Variants in PTGR3 observed in about 807,000 individuals in gnomAD.
The protein encoded by PTGR3 is prostaglandin reductase 3.
the PTGR3 span, among the ~76,000 whole-genome samples, chr18:75,202,665 C>CA: frequency 0.15 from 11,959 of 78,962 alleles, 592 homozygotes; most frequent in Admixed American, 0.19. Context: ...TAGAAATAAG[C>CA]AAAAAAAAAA....
the PTGR3 span, chr18:75,196,453 C>G: frequency 6.6e-6 from 1 of 151,530 alleles, no homozygotes; most frequent in Admixed American, 6.6e-5. Flanking sequence ...CATAGTAGAA[C>G]CTCATCTCTA....
the PTGR3 span, chr18:75,201,736 T>C: frequency 8.7e-6 from 14 of 1,614,120 alleles, no homozygotes; most frequent in Middle Eastern, 1.6e-4. Flanking sequence ...TAGCCAGAGA[T>C]AAACCCTATT....
the PTGR3 span, chr18:75,195,762 A>C: frequency 6.6e-6 from 1 of 152,156 alleles, no homozygotes; most frequent in African/African-American, 2.4e-5. Flanking sequence ...AAATAAAAAA[A>C]CATTAGCCAG....
At chr18:75,198,340 TAAG>T in the PTGR3 span, 1 of 152,226 alleles carries the variant, frequency 6.6e-6, no homozygotes, top group African/African-American at 2.4e-5. Flanking sequence ...TTCATTTTAA[TAAG>T]AAGCAGCTAC....
the PTGR3 span, chr18:75,202,026 T>G: frequency 6.2e-7 from 1 of 1,614,116 alleles, no homozygotes; most frequent in Admixed American, 1.7e-5. Context: ...CACCAAAACT[T>G]TTTTCCCTTC....
the PTGR3 span, among the ~76,000 whole-genome samples, chr18:75,206,679 G>A: frequency 6.6e-6 from 1 of 152,140 alleles, no homozygotes; most frequent in Non-Finnish European, 1.5e-5. Flanking sequence ...CAACTCAAAA[G>A]AAAACTGTCC....
the PTGR3 span, chr18:75,205,413 G>A: frequency 1.0e-6 from 1 of 985,252 alleles, no homozygotes; most frequent in East Asian, 1.1e-4. Flanking sequence ...CATGCAGTGA[G>A]CGCAGGATTC....
chr18:75,201,390 C>A, the PTGR3 span: 8 of 1,574,026 alleles, frequency 5.1e-6, no homozygotes, highest in Non-Finnish European at 6.9e-6. Flanking sequence ...TTTCTTTCTC[C>A]CTTGATTTAT....
At chr18:75,200,798 G>C in the PTGR3 span, 1 of 152,114 alleles carries the variant, frequency 6.6e-6, no homozygotes, top group South Asian at 2.1e-4. Context: ...GTAGATAAAA[G>C]CCATTACGTG....
the PTGR3 span, among the ~76,000 whole-genome samples, chr18:75,205,907 C>A: frequency 6.6e-6 from 1 of 152,180 alleles, no homozygotes; most frequent in South Asian, 2.1e-4. Context: ...CCCCATCCCC[C>A]ACCGTCCCTT....
the PTGR3 span, among the ~76,000 whole-genome samples, chr18:75,206,172 T>A: frequency 6.6e-6 from 1 of 152,198 alleles, no homozygotes; most frequent in Non-Finnish European, 1.5e-5. Context: ...CAATTATACA[T>A]TCTATAGGGA....
chr18:75,202,624 C>T, the PTGR3 span, among the ~76,000 whole-genome samples: 1 of 146,204 alleles, frequency 6.8e-6, no homozygotes, highest in South Asian at 2.1e-4. Context: ...TTCACATTTT[C>T]ACATGCCATT....
At chr18:75,203,845 G>A in the PTGR3 span, among the ~76,000 whole-genome samples, 1 of 152,102 alleles carries the variant, frequency 6.6e-6, no homozygotes, top group Non-Finnish European at 1.5e-5. Context: ...TTTTAAAAAG[G>A]GCCCACTTCC....
chr18:75,199,191 A>G, the PTGR3 span: 4 of 152,610 alleles, frequency 2.6e-5, no homozygotes, highest in Non-Finnish European at 4.4e-5. Flanking sequence ...TGCATTTAGT[A>G]TATTCCCTCA....
chr18:75,207,343 G>A, the PTGR3 span, among the ~76,000 whole-genome samples: 1 of 152,260 alleles, frequency 6.6e-6, no homozygotes, highest in Non-Finnish European at 1.5e-5. Flanking sequence ...AAAACCCTGT[G>A]TGGAACTTCT....
chr18:75,198,454 TATA>T, the PTGR3 span: 1 of 152,270 alleles, frequency 6.6e-6, no homozygotes, highest in East Asian at 1.9e-4. Flanking sequence ...GATGAAATCA[TATA>T]ATGACAAGTT....
the PTGR3 span, among the ~76,000 whole-genome samples, chr18:75,205,896 TC>T: frequency 6.6e-6 from 1 of 152,048 alleles, no homozygotes; most frequent in Non-Finnish European, 1.5e-5. Flanking sequence ...AAAAACGCCT[TC>T]CCCATCCCCC....
At chr18:75,197,103 G>A in the PTGR3 span, 1 of 151,728 alleles carries the variant, frequency 6.6e-6, no homozygotes, top group Non-Finnish European at 1.5e-5. Flanking sequence ...AGGTTCTCAT[G>A]CCAAGCATTC....
At chr18:75,200,304 G>A in the PTGR3 span, 1 of 152,278 alleles carries the variant, frequency 6.6e-6, no homozygotes, top group Non-Finnish European at 1.5e-5. Context: ...GTGGGTCAAT[G>A]TGGGACATCA....
Sources: gnomAD v4.1 joint callset for allele counts (sites outside exome capture counted in the v4.1 genomes callset) on GRCh38, gnomAD v4.1.1 for gene constraint, MANE v1.5 for transcripts, NCBI Gene and HGNC (gene_info 2026-07-23, HGNC 2026-07-21) for gene names.